STAT3: variants seen among roughly 807,000 people sequenced by gnomAD.
STAT3 encodes the protein signal transducer and activator of transcription 3.
A neutral mutation model predicts 114.3 loss-of-function variants in STAT3; 7 were observed. The observed-to-expected ratio is 0.06, with a 90% CI of 0.03 to 0.11. The LOEUF is 0.11. STAT3 is among the 10% of genes least tolerant of loss of function. The probability of loss-of-function intolerance (pLI) is 1.00; values close to 1 mark genes in which losing one functional copy is unlikely to be tolerated. For missense variants in STAT3, 364 were observed against 960.9 expected, an observed-to-expected ratio of 0.38 and a Z score of 8.21; for synonymous variants, 331 against 354.5, an observed-to-expected ratio of 0.93 and a Z score of 0.74.
intron 21 of STAT3, chr17:42,317,640 T>C (rs904857057): frequency 3.4e-5 from 9 of 262,118 alleles, no homozygotes; most frequent in Non-Finnish European, 6.8e-5. Flanking sequence ...TGTGTAGTCT[T>C]TGCATGGTGT....
chr17:42,319,289 C>G (rs2081369432), intron 21 of STAT3, among the ~76,000 whole-genome samples: 1 of 151,918 alleles, frequency 6.6e-6, no homozygotes, highest in Non-Finnish European at 1.5e-5. Context: ...CACCTATAAT[C>G]CCAGCACTTT....
chr17:42,353,324 G>C (rs2083061536), intron 1 of STAT3, among the ~76,000 whole-genome samples: 1 of 147,718 alleles, frequency 6.8e-6, no homozygotes, highest in African/African-American at 2.5e-5. Context: ...CTCCAGCCTG[G>C]GCAACAGAGT....
rs571528331 is a variant in STAT3 at position 42,366,833 on chromosome 17, T to TA, written c.-23-18295dup. 2.3e-3 allele frequency among the ~76,000 whole-genome samples: 353 copies of TA among 152,120 alleles called. 5 individuals carry two copies. Among genetic ancestry groups the TA allele is most frequent in the Non-Finnish European group, 3.0e-3 (206 of 67,988 alleles). On this transcript the variant is annotated intron_variant, in intron 1 of 23. Coordinates refer to ENST00000264657, the MANE Select transcript of STAT3 (RefSeq NM_139276.3). The stretch of plus-strand genomic sequence containing the variant: ...TCCCTCTACCTTCTATTCTCCACAT[T>TA]ACAGATCCTTTCAAAATAAGAGTCC...
chr17:42,316,005 C>T, intron 23 of STAT3: 1 of 1,440,034 alleles, frequency 6.9e-7, no homozygotes, highest in Non-Finnish European at 9.1e-7. Flanking sequence ...CTCATTCCCA[C>T]CTTAACTGAT....
chr17:42,371,417 T>C (rs554831108), intron 1 of STAT3, among the ~76,000 whole-genome samples: 2 of 151,602 alleles, frequency 1.3e-5, no homozygotes, highest in East Asian at 3.9e-4. Flanking sequence ...ACACCTGTAA[T>C]CTCAGCACTT....
intron 14 of STAT3, among the ~76,000 whole-genome samples, chr17:42,327,784 A>G (rs748462579): frequency 7.9e-5 from 12 of 152,210 alleles, no homozygotes; most frequent in Non-Finnish European, 1.3e-4. Context: ...ACAGCGGCTC[A>G]TGCCTGTAAT....
rs754306251 is a variant in STAT3 at position 42,314,851 on chromosome 17, CTTTTTTTTTT to C, written c.*884_*893del. On this transcript the variant is annotated 3_prime_UTR_variant, in exon 24 of 24. Transcript: ENST00000264657. ...CCAAGGAGGCTGTTAACTGAAGTTT[CTTTTTTTTTT>C]TTTTTTTTTTGAGACAGAGTCTCAG... 9.7e-4 allele frequency: 136 copies of C among 140,474 alleles called. No homozygotes were observed. The highest frequency in any genetic ancestry group is 3.8e-3 in the African/African-American group (123 of 32,752). 8.7% of individuals were successfully genotyped at this position (140,474 alleles called of 1,614,324 possible).
At chr17:42,362,831 C>T (rs931723206) in intron 1 of STAT3, among the ~76,000 whole-genome samples, 11 of 152,204 alleles carry the variant, frequency 7.2e-5, no homozygotes, top group Non-Finnish European at 1.5e-4. Context: ...CTGGTACCAG[C>T]TGGTGGCTAA....
chr17:42,363,951 T>C (rs973728086), intron 1 of STAT3, among the ~76,000 whole-genome samples: 4 of 152,160 alleles, frequency 2.6e-5, no homozygotes, highest in African/African-American at 9.7e-5. Context: ...CTGCTTTCAC[T>C]CTGAATCCCC....
At chr17:42,340,198 A>G (rs1333128661) in intron 4 of STAT3, among the ~76,000 whole-genome samples, 3 of 151,948 alleles carry the variant, frequency 2.0e-5, no homozygotes, top group Non-Finnish European at 4.4e-5. Context: ...CTCTACTAAA[A>G]ATACAAAGTT....
At chr17:42,338,994 G>C (rs1310158469) in intron 5 of STAT3, among the ~76,000 whole-genome samples, 182 bp from the exon 6 acceptor site, 3 of 152,170 alleles carry the variant, frequency 2.0e-5, no homozygotes, top group Non-Finnish European at 2.9e-5. Flanking sequence ...GCTCACGCCT[G>C]TAATGCCAGC....
chr17:42,367,501 CCT>C (rs902391506), intron 1 of STAT3, among the ~76,000 whole-genome samples: 1 of 152,144 alleles, frequency 6.6e-6, no homozygotes, highest in African/African-American at 2.4e-5. Flanking sequence ...ACAGCTGTCC[CCT>C]CTCTGCTCCT....
chr17:42,370,033 G>A (rs997279948), intron 1 of STAT3, among the ~76,000 whole-genome samples: 4 of 151,696 alleles, frequency 2.6e-5, no homozygotes, highest in African/African-American at 7.3e-5. Flanking sequence ...GTGCGGTGGC[G>A]AGATCTCGGT....
Position 42,315,378 on chromosome 17 carries a change from G to A in STAT3, c.*367C>T, listed in dbSNP as rs1383283808. The A allele has an allele frequency of 2.3e-6, 1 of 443,710 alleles. No homozygotes were observed. Among genetic ancestry groups the A allele is most frequent in the African/African-American group, 2.0e-5 (1 of 50,998 alleles). The allele number at this position is 443,710 out of a possible 1,614,324, so 27.5% of individuals were successfully genotyped here. A position where few individuals can be genotyped will look rare whatever the true frequency, so the allele number is the denominator to read the frequency against. Reference sequence around the variant, plus strand: ...CAGAAGGATGCCGCAGGCACCAGGAGGCACTTGTCTAAGAACAACAACAAC... The same window carrying A: ...CAGAAGGATGCCGCAGGCACCAGGAAGCACTTGTCTAAGAACAACAACAAC... On this transcript the variant is annotated 3_prime_UTR_variant, in exon 24 of 24. Transcript: ENST00000264657.
chr17:42,337,319 G>C lies in STAT3; in HGVS notation c.797+116C>G. 1.4e-6 allele frequency: 2 copies of C among 1,436,230 alleles called. No homozygotes were observed. The highest frequency in any genetic ancestry group is 2.8e-5 in the African/African-American group (2 of 70,256). 89.0% of individuals were successfully genotyped at this position (1,436,230 alleles called of 1,614,324 possible). On this transcript the variant is annotated intron_variant, in intron 8 of 23. Coordinates refer to ENST00000264657, the MANE Select transcript of STAT3 (RefSeq NM_139276.3). This position sits in a 1 kb window ranked among gnomAD's most constrained non-coding sequence, Gnocchi z 4.0. ...AAACTTTAATTCTTGGGCTAAATTT[G>C]AATATGGAAAAGTCCCCACGTTGGA...
At chr17:42,325,097 AG>A (rs760234478) in intron 15 of STAT3, 36 bp from the exon 16 acceptor site, 2 of 1,592,216 alleles carry the variant, frequency 1.3e-6, no homozygotes, top group African/African-American at 2.7e-5. Flanking sequence ...GGGGAGGCAG[AG>A]GGGCTCTCAC....
intron 1 of STAT3, among the ~76,000 whole-genome samples, chr17:42,367,548 T>C (rs1255389437): frequency 6.6e-6 from 1 of 152,076 alleles, no homozygotes; most frequent in Non-Finnish European, 1.5e-5. Context: ...CCTAGGACTC[T>C]TCTCTCCACC....
At chr17:42,384,188 G>A (rs1051392315) in intron 1 of STAT3, among the ~76,000 whole-genome samples, 60 of 150,530 alleles carry the variant, frequency 4.0e-4, no homozygotes, top group African/African-American at 1.3e-3. Flanking sequence ...GAGTGCAGTG[G>A]TGCGATATCG....
chr17:42,325,141 G>A, intron 15 of STAT3, 80 bp from the exon 16 acceptor site: 1 of 1,386,090 alleles, frequency 7.2e-7, no homozygotes, highest in Non-Finnish European at 1.0e-6. Context: ...GCATCTCACG[G>A]GGCTCAGAAT....
Sources: allele counts gnomAD v4.1 joint callset (sites outside exome capture counted in the v4.1 genomes callset), GRCh38; gene constraint gnomAD v4.1.1; non-coding constraint Gnocchi (gnomAD v3.1); transcripts MANE v1.5; gene names NCBI Gene and HGNC (gene_info 2026-07-23, HGNC 2026-07-21).